Variants in ZFHX3 observed in about 807,000 individuals in gnomAD.
The protein encoded by ZFHX3 is zinc finger homeobox 3.
In ZFHX3, 42 loss-of-function variants were observed where a neutral mutation model predicts 279.1. The ratio of observed to expected loss-of-function variants is 0.15; its 90% CI spans 0.12 to 0.19. ZFHX3 has a LOEUF of 0.19. ZFHX3 is among the 10% of genes least tolerant of loss of function. ZFHX3 has a pLI of 1.00. For synonymous variants in ZFHX3, 2,293 were observed against 1,957.8 expected, an observed-to-expected ratio of 1.17 and a Z score of -4.52; for missense variants, 4,981 against 4,754.0, an observed-to-expected ratio of 1.05 and a Z score of -1.40.
intron 1 of ZFHX3, among the ~76,000 whole-genome samples, chr16:73,772,475 C>T (rs571731769): frequency 6.6e-6 from 1 of 152,334 alleles, no homozygotes; most frequent in East Asian, 1.9e-4. Flanking sequence ...CCAGGTAGCT[C>T]CCACAACATG....
At chr16:72,857,317 T>C (rs774423046) in intron 4 of ZFHX3, among the ~76,000 whole-genome samples, 2 of 152,236 alleles carry the variant, frequency 1.3e-5, no homozygotes, top group African/African-American at 2.4e-5. Context: ...TTGTTAGTTT[T>C]CATAGAGGAC....
intron 2 of ZFHX3, among the ~76,000 whole-genome samples, chr16:73,585,687 G>T (rs539104605): frequency 3.9e-4 from 59 of 152,312 alleles, no homozygotes; most frequent in African/African-American, 1.1e-3. Flanking sequence ...AAAACTATGT[G>T]TGTGAAACTA....
Position 73,207,874 on chromosome 16 carries a change from G to A in ZFHX3, c.-1104+49173C>T, listed in dbSNP as rs1038874789. Among the ~76,000 whole-genome samples the A allele has an allele frequency of 3.9e-5, 6 of 152,128 alleles. No homozygotes were observed. In the East Asian group the frequency reaches 9.6e-4, roughly 24 times the overall value. ...CATGGCAGGTGTAAATTGCGCCAAC[G>A]TTTTGGAAGAAAAAAATTGGCAACA... On this transcript the variant is annotated intron_variant, in intron 5 of 17. Transcript: ENST00000641206.
chr16:73,113,657 T>C (rs1966402149), intron 7 of ZFHX3, among the ~76,000 whole-genome samples: 1 of 152,120 alleles, frequency 6.6e-6, no homozygotes, highest in African/African-American at 2.4e-5. Context: ...CTAGAAGAGA[T>C]ATGAGAAAGT....
intron 2 of ZFHX3, among the ~76,000 whole-genome samples, chr16:73,564,928 C>A (rs903451880): frequency 1.3e-5 from 2 of 152,154 alleles, no homozygotes; most frequent in African/African-American, 4.8e-5. Context: ...TTTGGGGATG[C>A]CTCTAAGTCG....
At position 72,796,365 on chromosome 16, in the gene ZFHX3, G is replaced by A. The variant is rs752913773; in HGVS notation, c.6317C>T (p.Pro2106Leu). The change falls in exon 9 of 10, where the codon CCG (proline) becomes CTG (leucine). Residue 2106 changes from proline to leucine, a missense_variant. Pro to Leu is a moderately conservative substitution (Grantham distance 98). Coordinates refer to ENST00000268489, the MANE Select transcript of ZFHX3 (RefSeq NM_006885.4). ...IFSPLMMQTM[P>L]LQTLPAQLPP... Reference sequence around the variant, plus strand: ...TAGCTGAGCCGGCAAGGTCTGCAGCGGCATCGTCTGCATCATCAGCGGCGA... The same window carrying A: ...TAGCTGAGCCGGCAAGGTCTGCAGCAGCATCGTCTGCATCATCAGCGGCGA... 11 of 1,613,698 alleles carry A rather than the reference G, an allele frequency of 6.8e-6. No homozygotes were observed. The East Asian group carries it at 1.3e-4, about 20-fold the overall frequency.
At chr16:73,368,316 C>G (rs1014959551) in intron 3 of ZFHX3, among the ~76,000 whole-genome samples, 10 of 152,232 alleles carry the variant, frequency 6.6e-5, no homozygotes, top group Non-Finnish European at 1.2e-4. Context: ...GAGTAAGCTC[C>G]TAGCCTGTGT....
intron 1 of ZFHX3, among the ~76,000 whole-genome samples, chr16:73,016,342 C>T (rs560490841): frequency 5.3e-5 from 8 of 152,080 alleles, no homozygotes; most frequent in Non-Finnish European, 1.0e-4. Flanking sequence ...AATTTTAGCA[C>T]ACATGTACAA....
chr16:73,368,925 C>T (rs1468843430), intron 3 of ZFHX3, among the ~76,000 whole-genome samples: 1 of 152,160 alleles, frequency 6.6e-6, no homozygotes, highest in Non-Finnish European at 1.5e-5. Flanking sequence ...TGATAAATGG[C>T]ACAGCTGAGA....
chr16:73,819,427 T>C (rs1960671765), intron 1 of ZFHX3, among the ~76,000 whole-genome samples: 1 of 151,834 alleles, frequency 6.6e-6, no homozygotes, highest in Non-Finnish European at 1.5e-5. Flanking sequence ...CTCCCTTTGT[T>C]GACAACCACT....
chr16:72,981,156 C>T (rs1393542242), intron 1 of ZFHX3, among the ~76,000 whole-genome samples: 1 of 152,186 alleles, frequency 6.6e-6, no homozygotes, highest in Non-Finnish European at 1.5e-5. Flanking sequence ...TCCTTTCAAA[C>T]ACCACCATCT....
chr16:73,506,255 T>C (rs2019324643), intron 2 of ZFHX3, among the ~76,000 whole-genome samples: 1 of 152,130 alleles, frequency 6.6e-6, no homozygotes, highest in Non-Finnish European at 1.5e-5. Flanking sequence ...ATGCTACTAG[T>C]TTCAAAACTC....
chr16:72,901,854 G>C (rs1248575143), intron 3 of ZFHX3, among the ~76,000 whole-genome samples: 1 of 152,116 alleles, frequency 6.6e-6, no homozygotes, highest in Non-Finnish European at 1.5e-5. Flanking sequence ...CTCTGCTTTT[G>C]GGTTCCCCCA....
chr16:73,688,899 G>A (rs967676659), intron 1 of ZFHX3, among the ~76,000 whole-genome samples: 1 of 152,096 alleles, frequency 6.6e-6, no homozygotes. Context: ...CTTGTCTGCC[G>A]CCAAGTGAGA....
chr16:73,718,272 G>A (rs766890948), intron 1 of ZFHX3, among the ~76,000 whole-genome samples: 9 of 152,074 alleles, frequency 5.9e-5, no homozygotes, highest in Non-Finnish European at 1.0e-4. Flanking sequence ...TTAGCCGGGC[G>A]TGGTGGCAGG....
Position 72,958,802 on chromosome 16 carries a change from G to A in ZFHX3, c.1344C>T (p.Asp448=), listed in dbSNP as rs781434863. 41 of 1,613,710 alleles carry A rather than the reference G, an allele frequency of 2.5e-5. No homozygotes were observed. Among genetic ancestry groups the A allele is most frequent in the East Asian group, 2.2e-4 (10 of 44,856 alleles). ...CTACCTTCTCAGAGAAGCAATCCCCGTCGCCCACTTCCTGCTTCTCTCCTT... is the reference window on the plus strand; with the variant it reads ...CTACCTTCTCAGAGAAGCAATCCCCATCGCCCACTTCCTGCTTCTCTCCTT... The part of the protein sequence containing the change: ...AAEGEKQEVG[D]GDCFSEKVEP... Residue 448 remains aspartate, a synonymous_variant, in exon 2 of 10, where the codon GAC becomes GAT. Coordinates refer to ENST00000268489, the MANE Select transcript of ZFHX3 (RefSeq NM_006885.4).
chr16:73,451,561 C>T (rs539292649), intron 3 of ZFHX3, among the ~76,000 whole-genome samples: 7 of 152,284 alleles, frequency 4.6e-5, no homozygotes, highest in East Asian at 3.9e-4. Flanking sequence ...AAGAAAGCAT[C>T]GGTATTTTTG....
At chr16:72,904,861 T>G (rs1332743972) in intron 3 of ZFHX3, among the ~76,000 whole-genome samples, 1 of 152,146 alleles carries the variant, frequency 6.6e-6, no homozygotes, top group African/African-American at 2.4e-5. Flanking sequence ...GATGGGAGTC[T>G]CACTCTGTCA....
chr16:73,780,240 T>C (rs538585645), intron 1 of ZFHX3, among the ~76,000 whole-genome samples: 324 of 144,370 alleles, frequency 2.2e-3, no homozygotes, highest in African/African-American at 7.6e-3. Context: ...CTCCGCCTCC[T>C]GGGTTCAAGT....
Sources: gnomAD v4.1 joint callset for allele counts (sites outside exome capture counted in the v4.1 genomes callset) on GRCh38, gnomAD v4.1.1 for gene constraint, MANE v1.5 for transcripts, NCBI Gene and HGNC (gene_info 2026-07-23, HGNC 2026-07-21) for gene names.